Variants in MYRIP observed in about 807,000 individuals in gnomAD.
The protein encoded by MYRIP is myosin VIIA and Rab interacting protein, also known as rab effector MyRIP.
Under a neutral mutation model 98.0 loss-of-function variants are expected in MYRIP, and 49 were observed. The observed-to-expected ratio is 0.50, with a 90% CI of 0.40 to 0.63. The LOEUF (loss-of-function observed/expected upper bound fraction) is 0.63. Ranked by LOEUF, MYRIP falls within the 30% of genes least tolerant of loss-of-function variation. MYRIP has a pLI of 0.00. For missense variants in MYRIP, 1,004 were observed against 1,058.2 expected (o/e 0.95, Z 0.71); for synonymous variants, 404 against 409.5 (o/e 0.99, Z 0.16).
intron 2 of MYRIP, among the ~76,000 whole-genome samples, chr3:40,018,344 GTC>G (rs562481590): frequency 2.0e-5 from 3 of 152,044 alleles, no homozygotes; most frequent in Admixed American, 6.6e-5. Flanking sequence ...TCGAGTGCTT[GTC>G]TCTCTCTCTC....
At chr3:40,180,374 G>A (rs1359129646) in intron 8 of MYRIP, among the ~76,000 whole-genome samples, 1 of 152,240 alleles carries the variant, frequency 6.6e-6, no homozygotes, top group Non-Finnish European at 1.5e-5. Flanking sequence ...TACTGTGCCA[G>A]GGGCTACAGA....
intron 2 of MYRIP, among the ~76,000 whole-genome samples, chr3:39,976,753 G>T (rs1945763002): frequency 6.6e-6 from 1 of 152,118 alleles, no homozygotes; most frequent in Non-Finnish European, 1.5e-5. Flanking sequence ...GTAGGGACAT[G>T]GATGAAGCTG....
intron 2 of MYRIP, among the ~76,000 whole-genome samples, chr3:39,994,736 C>T (rs1046852477): frequency 6.6e-6 from 1 of 152,198 alleles, no homozygotes; most frequent in Non-Finnish European, 1.5e-5. Flanking sequence ...GGACAGACTG[C>T]CTCTTCAAGT....
chr3:40,127,522 G>A (rs1293257977), intron 3 of MYRIP, among the ~76,000 whole-genome samples: 2 of 152,224 alleles, frequency 1.3e-5, no homozygotes, highest in Non-Finnish European at 2.9e-5. Context: ...TACATGAAAT[G>A]AAGGCCACTT....
intron 2 of MYRIP, among the ~76,000 whole-genome samples, chr3:39,958,339 T>C (rs35173324): frequency 0.27 from 40,352 of 151,744 alleles, 5,840 homozygotes; most frequent in Middle Eastern, 0.36. Flanking sequence ...AGATATAGAC[T>C]GATGGAACAG....
intron 9 of MYRIP, among the ~76,000 whole-genome samples, chr3:40,183,864 G>C (rs1187024237): frequency 6.6e-6 from 1 of 152,112 alleles, no homozygotes; most frequent in Non-Finnish European, 1.5e-5. Flanking sequence ...ACTCTAAAAG[G>C]GAAAAGATTT....
intron 1 of MYRIP, among the ~76,000 whole-genome samples, chr3:39,831,448 T>C (rs1663891722): frequency 6.6e-6 from 1 of 152,162 alleles, no homozygotes; most frequent in Non-Finnish European, 1.5e-5. Context: ...GTTGCCTAGG[T>C]CCCAACCAAT....
At chr3:39,995,314 A>T (rs567648220) in intron 2 of MYRIP, among the ~76,000 whole-genome samples, 2 of 152,232 alleles carry the variant, frequency 1.3e-5, no homozygotes, top group African/African-American at 4.8e-5. Flanking sequence ...ATGGCTAACT[A>T]GAATAACAAA....
At chr3:40,058,483 T>C (rs1947929759) in intron 3 of MYRIP, among the ~76,000 whole-genome samples, 1 of 152,190 alleles carries the variant, frequency 6.6e-6, no homozygotes, top group Non-Finnish European at 1.5e-5. Flanking sequence ...GTTAATATTA[T>C]ATAGCTAACA....
chr3:39,881,944 TG>T (rs1943166728), intron 1 of MYRIP, among the ~76,000 whole-genome samples: 1 of 152,162 alleles, frequency 6.6e-6, no homozygotes, highest in Non-Finnish European at 1.5e-5. Flanking sequence ...AAATGACTTT[TG>T]AGGGTTTTTT....
chr3:39,900,749 A>G (rs781593106), intron 1 of MYRIP, 38 bp from the exon 2 acceptor site: 7 of 1,124,348 alleles, frequency 6.2e-6, no homozygotes, highest in Non-Finnish European at 9.3e-6. Context: ...TTGTCCATGT[A>G]GAGATTTTAT....
At position 39,986,084 on chromosome 3, in the gene MYRIP, A is replaced by G. The variant is rs72870085; in HGVS notation, c.111-57966A>G. 7.6e-3 allele frequency among the ~76,000 whole-genome samples: 1,162 copies of G among 152,350 alleles called. 9 individuals are homozygous for G. Among genetic ancestry groups the G allele is most frequent in the African/African-American group, 0.027 (1,115 of 41,566 alleles). On this transcript the variant is annotated intron_variant, in intron 2 of 16. Transcript: ENST00000302541. ...TCTGACGTAAGGAAAGTTTTTAAACAGAAGTTTCTCAGTGTGATGTTCAAT... is the reference window on the plus strand; with the variant it reads ...TCTGACGTAAGGAAAGTTTTTAAACGGAAGTTTCTCAGTGTGATGTTCAAT...
intron 2 of MYRIP, among the ~76,000 whole-genome samples, chr3:39,956,999 T>C (rs1313735305): frequency 3.3e-5 from 5 of 151,772 alleles, no homozygotes; most frequent in South Asian, 4.1e-4. Context: ...AATCCCTGAA[T>C]AGACCAATAA....
chr3:40,092,543 A>T (rs988824897), intron 3 of MYRIP, among the ~76,000 whole-genome samples: 1 of 152,134 alleles, frequency 6.6e-6, no homozygotes, highest in African/African-American at 2.4e-5. Context: ...CTCTTTTAAC[A>T]TGTGGCTCAG....
intron 2 of MYRIP, among the ~76,000 whole-genome samples, chr3:39,964,441 A>G (rs1430423384): frequency 6.6e-6 from 1 of 152,178 alleles, no homozygotes; most frequent in African/African-American, 2.4e-5. Flanking sequence ...GAACGTGAGA[A>G]GAAATCACTT....
intron 1 of MYRIP, among the ~76,000 whole-genome samples, chr3:39,846,171 G>C (rs1440088392): frequency 6.8e-6 from 1 of 147,426 alleles, no homozygotes; most frequent in Non-Finnish European, 1.5e-5. Flanking sequence ...GTGGTCCCCT[G>C]AACTCTCTCA....
At chr3:40,071,502 A>G (rs1948227036) in intron 3 of MYRIP, among the ~76,000 whole-genome samples, 1 of 152,172 alleles carries the variant, frequency 6.6e-6, no homozygotes, top group African/African-American at 2.4e-5. Context: ...TGATTTTAGA[A>G]CATGTGTGAC....
chr3:39,944,786 C>T (rs1316538635), intron 2 of MYRIP, among the ~76,000 whole-genome samples: 1 of 152,010 alleles, frequency 6.6e-6, no homozygotes, highest in African/African-American at 2.4e-5. Context: ...TTTAAAATAA[C>T]ACAACTGTAT....
At chr3:39,909,896 G>GTTTGT in intron 2 of MYRIP, among the ~76,000 whole-genome samples, 1 of 151,250 alleles carries the variant, frequency 6.6e-6, no homozygotes, top group Non-Finnish European at 1.5e-5. Flanking sequence ...TTTTTTGTTT[G>GTTTGT]TTTGTTTTGT....
Sources: gnomAD v4.1 joint callset for allele counts (sites outside exome capture counted in the v4.1 genomes callset) on GRCh38, gnomAD v4.1.1 for gene constraint, MANE v1.5 for transcripts, NCBI Gene and HGNC (gene_info 2026-07-23, HGNC 2026-07-21) for gene names.